Variants in PCDHGA5 observed in about 807,000 individuals in gnomAD.
The protein encoded by PCDHGA5 is protocadherin gamma subfamily A, 5.
A neutral mutation model predicts 56.7 loss-of-function variants in PCDHGA5; 36 were observed. That is an observed-to-expected ratio of 0.64 (90% CI 0.49 to 0.84). PCDHGA5 has a LOEUF of 0.84. Among genes scored for constraint, PCDHGA5 ranks in the 40% least tolerant of loss-of-function variants. PCDHGA5 has a pLI of 0.00. For synonymous variants in PCDHGA5, 563 were observed against 520.2 expected, an observed-to-expected ratio of 1.08 and a Z score of -1.12; for missense variants, 1,305 against 1,201.5, an observed-to-expected ratio of 1.09 and a Z score of -1.27.
At chr5:141,427,557 A>G (rs1437024906) in intron 1 of PCDHGA5, 1 of 650,060 alleles carries the variant, frequency 1.5e-6, no homozygotes, top group Non-Finnish European at 2.8e-6. Flanking sequence ...TGCCACTGAC[A>G]AGGGCAAGCC....
Position 141,487,322 on chromosome 5 carries a change from C to T in PCDHGA5, c.2422-7485C>T, listed in dbSNP as rs760334964. 7.4e-6 allele frequency: 12 copies of T among 1,614,134 alleles called. No homozygotes were observed. Among genetic ancestry groups the T allele is most frequent in the South Asian group, 3.3e-5 (3 of 91,082 alleles). ...CGTGGCACTACTCTCTAAGTGTCTT[C>T]GTGGGGCAGCCTGTGGAGTCACATG... On this transcript the variant is annotated intron_variant, in intron 1 of 3. Coordinates refer to ENST00000518069, the MANE Select transcript of PCDHGA5 (RefSeq NM_018918.3). The surrounding 1 kb of genome is among the most constrained non-coding windows in gnomAD (Gnocchi z 5.0).
At chr5:141,428,241 A>C (rs1416124194) in intron 1 of PCDHGA5, 1 of 961,518 alleles carries the variant, frequency 1.0e-6, no homozygotes, top group Admixed American at 2.0e-5. Flanking sequence ...TGCAGGAGGC[A>C]CTGCCAGACT....
At chr5:141,415,655 T>C (rs780357843) in intron 1 of PCDHGA5, 50 of 1,586,718 alleles carry the variant, frequency 3.2e-5, no homozygotes, top group Non-Finnish European at 4.0e-5. Flanking sequence ...AAAAAAAAGA[T>C]TGGTTTTTAC....
chr5:141,419,368 C>T, intron 1 of PCDHGA5: 1 of 1,613,776 alleles, frequency 6.2e-7, no homozygotes, highest in Non-Finnish European at 8.5e-7. Context: ...CGCTGTCGTC[C>T]TACGTGTCCG....
chr5:141,383,766 A>G (rs1265444749), intron 1 of PCDHGA5: 6 of 1,613,894 alleles, frequency 3.7e-6, no homozygotes, highest in Non-Finnish European at 5.1e-6. Context: ...CTAAACTTCC[A>G]AAGATGTTTC....
chr5:141,428,387 G>A, intron 1 of PCDHGA5: 1 of 505,948 alleles, frequency 2.0e-6, no homozygotes, highest in South Asian at 2.0e-5. Context: ...TGCTCTTCCA[G>A]CCCCTCTGCC....
chr5:141,431,553 A>T lies in PCDHGA5; in HGVS notation c.2422-63254A>T, dbSNP rs762863300. On this transcript the variant is annotated intron_variant, in intron 1 of 3. Coordinates refer to ENST00000518069, the MANE Select transcript of PCDHGA5 (RefSeq NM_018918.3). The surrounding 1 kb of genome is among the most constrained non-coding windows in gnomAD (Gnocchi z 4.8). Reference sequence around the variant, plus strand: ...TTGGGCACGCAGCTGCTTGTAGTCAACGCTACCGACCCTGACGAAGGAGTC... The same window carrying T: ...TTGGGCACGCAGCTGCTTGTAGTCATCGCTACCGACCCTGACGAAGGAGTC... The T allele has an allele frequency of 1.1e-5, 18 of 1,613,994 alleles. 1 individual carries two copies. Among genetic ancestry groups the T allele is most frequent in the Non-Finnish European group, 3.4e-6 (4 of 1,180,028 alleles).
intron 1 of PCDHGA5, chr5:141,478,053 T>A (rs1461280529): frequency 1.2e-6 from 2 of 1,614,010 alleles, no homozygotes; most frequent in Non-Finnish European, 1.7e-6. Context: ...ACTCTCACGG[T>A]CTTGATCAAA....
At chr5:141,472,408 G>T (rs780468341) in intron 1 of PCDHGA5, among the ~76,000 whole-genome samples, 1 of 152,064 alleles carries the variant, frequency 6.6e-6, no homozygotes, top group Non-Finnish European at 1.5e-5. Flanking sequence ...AGGCGTGGTG[G>T]CACGCACCTG....
intron 1 of PCDHGA5, chr5:141,391,245 G>A (rs1324945676): frequency 6.6e-6 from 1 of 151,892 alleles, no homozygotes; most frequent in African/African-American, 2.4e-5. Flanking sequence ...GTATATCTAA[G>A]CAACTGCTTC....
At chr5:141,453,046 T>C (rs1561950003) in intron 1 of PCDHGA5, among the ~76,000 whole-genome samples, 1 of 152,186 alleles carries the variant, frequency 6.6e-6, no homozygotes, top group Non-Finnish European at 1.5e-5. Context: ...GTTTCTATTA[T>C]GTGCAGTTTT....
intron 1 of PCDHGA5, chr5:141,371,745 G>A (rs767038146): frequency 2.5e-6 from 4 of 1,613,884 alleles, no homozygotes; most frequent in Middle Eastern, 1.6e-4. Flanking sequence ...CAACGTTCCC[G>A]TTTTCCACCA....
chr5:141,419,006 A>G (rs2096312225), intron 1 of PCDHGA5: 1 of 1,614,006 alleles, frequency 6.2e-7, no homozygotes. Context: ...TGGGGAAGTC[A>G]GGTGTAGCTT....
chr5:141,376,372 G>C (rs531227586), intron 1 of PCDHGA5: 2 of 1,614,182 alleles, frequency 1.2e-6, no homozygotes, highest in Admixed American at 1.7e-5. Context: ...CTGCAGACTC[G>C]CGTAAGAGTC....
intron 1 of PCDHGA5, chr5:141,374,698 A>G: frequency 6.2e-7 from 1 of 1,609,364 alleles, no homozygotes; most frequent in Non-Finnish European, 8.5e-7. Context: ...GGGAAGGAGA[A>G]GCCGTTTACC....
chr5:141,437,794 G>C (rs1162440523), intron 1 of PCDHGA5, among the ~76,000 whole-genome samples: 1 of 150,526 alleles, frequency 6.6e-6, no homozygotes, highest in Non-Finnish European at 1.5e-5. Context: ...CTGGAGTGCA[G>C]TGGCACTATC....
intron 1 of PCDHGA5, chr5:141,383,013 G>T: frequency 6.2e-7 from 1 of 1,613,828 alleles, no homozygotes; most frequent in South Asian, 1.1e-5. Context: ...TGTCGGAGGA[G>T]ACGGACAAAG....
chr5:141,373,773 T>C (rs1429903746), intron 1 of PCDHGA5: 1 of 264,200 alleles, frequency 3.8e-6, no homozygotes, highest in Non-Finnish European at 7.1e-6. Context: ...GTGTCATCTC[T>C]GCAGATTTAG....
intron 1 of PCDHGA5, among the ~76,000 whole-genome samples, chr5:141,474,075 C>T (rs2099339724): frequency 6.6e-6 from 1 of 151,902 alleles, no homozygotes; most frequent in African/African-American, 2.4e-5. Flanking sequence ...GCCTCAGAAA[C>T]AAAAACCAAA....
Sources: gnomAD v4.1 joint callset for allele counts (sites outside exome capture counted in the v4.1 genomes callset) on GRCh38, gnomAD v4.1.1 for gene constraint, Gnocchi (gnomAD v3.1) non-coding constraint, MANE v1.5 for transcripts, NCBI Gene and HGNC (gene_info 2026-07-23, HGNC 2026-07-21) for gene names.